Variants in RANBP2 observed in about 807,000 individuals in gnomAD.
RANBP2 encodes RAN binding protein 2.
A neutral mutation model predicts 303.6 loss-of-function variants in RANBP2; 57 were observed. That is an observed-to-expected ratio of 0.19 (90% CI 0.15 to 0.23). The LOEUF (loss-of-function observed/expected upper bound fraction) is 0.23. Among genes scored for constraint, RANBP2 ranks in the 10% least tolerant of loss-of-function variants. RANBP2 has a pLI of 1.00. For missense variants in RANBP2, 3,138 were observed against 3,780.8 expected, an observed-to-expected ratio of 0.83 and a Z score of 4.46; for synonymous variants, 1,167 against 1,301.5, an observed-to-expected ratio of 0.90 and a Z score of 2.23.
the RANBP2 span, among the ~76,000 whole-genome samples, chr2:109,612,247 G>C: frequency 2.6e-5 from 4 of 152,194 alleles, no homozygotes; most frequent in South Asian, 6.2e-4. Flanking sequence ...TATAAGTCTT[G>C]GAATGACAAA....
chr2:108,786,901 A>T, downstream of RANBP2: 2 of 1,547,894 alleles, frequency 1.3e-6, no homozygotes, highest in Non-Finnish European at 1.7e-6. Context: ...ACTCGGGGGC[A>T]GCTGCCCCGA....
the RANBP2 span, among the ~76,000 whole-genome samples, chr2:109,640,487 T>C: frequency 6.6e-6 from 1 of 152,296 alleles, no homozygotes; most frequent in Non-Finnish European, 1.5e-5. Flanking sequence ...CCTTTTGTTT[T>C]CAAAACCCAA....
chr2:108,855,945 G>A, the RANBP2 span, among the ~76,000 whole-genome samples: 3 of 152,022 alleles, frequency 2.0e-5, no homozygotes, highest in Admixed American at 6.5e-5. Flanking sequence ...TAGCATGAAC[G>A]GTTTTTTTTC....
chr2:109,689,900 C>T, the RANBP2 span, among the ~76,000 whole-genome samples: 1 of 152,302 alleles, frequency 6.6e-6, no homozygotes, highest in Middle Eastern at 3.4e-3. Context: ...AAATTAGTAT[C>T]TGTGTTCACT....
the RANBP2 span, among the ~76,000 whole-genome samples, chr2:109,021,542 G>T: frequency 2.0e-5 from 2 of 98,416 alleles, no homozygotes; most frequent in Non-Finnish European, 4.4e-5. Flanking sequence ...AAAAAAAAAA[G>T]TGCTGACAAA....
chr2:109,234,090 A>C, the RANBP2 span, among the ~76,000 whole-genome samples: 1 of 152,236 alleles, frequency 6.6e-6, no homozygotes, highest in Admixed American at 6.5e-5. Context: ...GAATTGCTGG[A>C]TCATAAGGTG....
chr2:108,925,030 T>C, the RANBP2 span, among the ~76,000 whole-genome samples: 1 of 152,184 alleles, frequency 6.6e-6, no homozygotes, highest in African/African-American at 2.4e-5. Flanking sequence ...CGCCCTTGCC[T>C]CCTCCACCTT....
chr2:109,416,924 AG>A, the RANBP2 span, among the ~76,000 whole-genome samples: 4 of 149,848 alleles, frequency 2.7e-5, no homozygotes, highest in East Asian at 1.9e-4. Context: ...AAAAAAAAAA[AG>A]AATTGTATGT....
chr2:109,165,918 G>A, the RANBP2 span, among the ~76,000 whole-genome samples: 1 of 152,178 alleles, frequency 6.6e-6, no homozygotes, highest in African/African-American at 2.4e-5. Flanking sequence ...TGACATGGGT[G>A]GTCACTAGTT....
chr2:109,546,745 T>C, the RANBP2 span, among the ~76,000 whole-genome samples: 10 of 152,202 alleles, frequency 6.6e-5, no homozygotes, highest in African/African-American at 2.4e-4. Flanking sequence ...CTGTATTCTA[T>C]TTTTCCATAG....
the RANBP2 span, among the ~76,000 whole-genome samples, chr2:109,209,242 A>G: frequency 1.3e-5 from 2 of 152,142 alleles, no homozygotes; most frequent in African/African-American, 2.4e-5. Flanking sequence ...GGGCTGTAGG[A>G]AAACTGAGAG....
the RANBP2 span, among the ~76,000 whole-genome samples, chr2:109,458,432 A>G: frequency 6.6e-6 from 1 of 152,100 alleles, no homozygotes; most frequent in East Asian, 1.9e-4. Flanking sequence ...CTTTAAGGTC[A>G]CCTTACAACT....
chr2:109,242,035 C>G, the RANBP2 span, among the ~76,000 whole-genome samples: 2 of 152,024 alleles, frequency 1.3e-5, no homozygotes, highest in Non-Finnish European at 2.9e-5. Flanking sequence ...CCCAGTCCTT[C>G]GTCCTGCAAG....
At chr2:109,342,894 G>T in the RANBP2 span, among the ~76,000 whole-genome samples, 2 of 152,196 alleles carry the variant, frequency 1.3e-5, no homozygotes, top group African/African-American at 4.8e-5. Context: ...TTGCAGGGGT[G>T]GCTGATGTTA....
the RANBP2 span, among the ~76,000 whole-genome samples, chr2:109,459,391 A>G: frequency 6.6e-6 from 1 of 152,140 alleles, no homozygotes; most frequent in Non-Finnish European, 1.5e-5. Flanking sequence ...AAAGCGCCTC[A>G]TCTGGGCATG....
At chr2:109,242,195 C>A in the RANBP2 span, among the ~76,000 whole-genome samples, 7 of 152,080 alleles carry the variant, frequency 4.6e-5, no homozygotes, top group African/African-American at 1.7e-4. Flanking sequence ...TTAGGTGGCC[C>A]CTTTTCCTGC....
chr2:108,851,934 C>G, the RANBP2 span, among the ~76,000 whole-genome samples: 2 of 152,102 alleles, frequency 1.3e-5, no homozygotes, highest in African/African-American at 4.8e-5. Flanking sequence ...GATAATTGTG[C>G]CAAAACGATA....
chr2:109,522,925 G>A, the RANBP2 span, among the ~76,000 whole-genome samples: 3 of 152,236 alleles, frequency 2.0e-5, no homozygotes, highest in East Asian at 1.9e-4. Context: ...AGACACAGCT[G>A]TGCAGATTCA....
At chr2:108,796,189 C>T in the RANBP2 span, among the ~76,000 whole-genome samples, 1 of 152,078 alleles carries the variant, frequency 6.6e-6, no homozygotes, top group African/African-American at 2.4e-5. Flanking sequence ...GCTGGGACTA[C>T]AGGCACCTGC....
Sources: allele counts gnomAD v4.1 joint callset (sites outside exome capture counted in the v4.1 genomes callset), GRCh38; gene constraint gnomAD v4.1.1; transcripts MANE v1.5; gene names NCBI Gene and HGNC (gene_info 2026-07-23, HGNC 2026-07-21).